Variants in PCBP3 observed in about 807,000 individuals in gnomAD.
PCBP3 encodes poly(rC) binding protein 3.
Under a neutral mutation model 52.7 loss-of-function variants are expected in PCBP3, and 25 were observed. The ratio of observed to expected loss-of-function variants is 0.47; its 90% confidence interval spans 0.35 to 0.66. PCBP3 has a LOEUF of 0.66. PCBP3 is among the 30% of genes least tolerant of loss of function. The probability of loss-of-function intolerance (pLI) is 0.01; values close to 1 mark genes in which losing one functional copy is unlikely to be tolerated. For synonymous variants in PCBP3, 162 were observed against 183.0 expected (o/e 0.89, Z 0.93); for missense variants, 391 against 490.3 (o/e 0.80, Z 1.91).
At position 45,849,975 on chromosome 21, in the gene PCBP3, C is replaced by A; in HGVS notation, c.-111C>A. The stretch of plus-strand genomic sequence containing the variant: ...TTGTGTTTTAGGTCGGTAGGCTCCA[C>A]GACAAAAGTCAACCCTTCTGTAAAT... On this transcript the variant is annotated 5_prime_UTR_variant, in exon 5 of 18. Transcript: ENST00000681687. 9.5e-7 allele frequency: 1 copy of A among 1,057,714 alleles called. No individual in the cohort carries two copies. The allele number at this position is 1,057,714 out of a possible 1,614,324, so 65.5% of individuals were successfully genotyped here.
At chr21:45,864,039 CTTT>C (rs2094611096) in intron 5 of PCBP3, among the ~76,000 whole-genome samples, 1 of 152,202 alleles carries the variant, frequency 6.6e-6, no homozygotes, top group Non-Finnish European at 1.5e-5. Context: ...CAATAATCTT[CTTT>C]ACTAGTCGAG....
intron 5 of PCBP3, among the ~76,000 whole-genome samples, chr21:45,870,018 G>A (rs1165235946): frequency 3.3e-5 from 5 of 152,040 alleles, no homozygotes; most frequent in Non-Finnish European, 7.4e-5. Flanking sequence ...TCTTATCTAA[G>A]TTATCTTTAT....
chr21:45,725,472 C>G (rs1455298813), intron 2 of PCBP3, among the ~76,000 whole-genome samples: 2 of 152,222 alleles, frequency 1.3e-5, no homozygotes, highest in African/African-American at 4.8e-5. Context: ...CCTTAACAAC[C>G]CATTCTCCTT....
chr21:45,867,579 C>A (rs2094796520), intron 5 of PCBP3, among the ~76,000 whole-genome samples: 1 of 152,268 alleles, frequency 6.6e-6, no homozygotes, highest in Non-Finnish European at 1.5e-5. Context: ...CCACCCGACC[C>A]TTGTGTTGTG....
chr21:45,754,182 A>G lies in PCBP3; in HGVS notation c.-161-1235A>G, dbSNP rs563161135. ...AAAAATATTGGCATGTGGCATAGAA[A>G]AAGCTCGGACTACAAGTTTAGGAGT... On this transcript the variant is annotated intron_variant, in intron 3 of 17. Transcript: ENST00000681687. 1.6e-3 allele frequency among the ~76,000 whole-genome samples: 240 copies of G among 152,318 alleles called. 1 individual carries two copies. Among genetic ancestry groups the G allele is most frequent in the Admixed American group, 3.3e-3 (50 of 15,298 alleles).
chr21:45,869,191 G>C (rs1265784989), intron 5 of PCBP3: 1 of 152,254 alleles, frequency 6.6e-6, no homozygotes, highest in Non-Finnish European at 1.5e-5. Flanking sequence ...GCTGATGGGA[G>C]GTTGTGGGAT....
At chr21:45,936,497 G>A (rs1242016926) in intron 16 of PCBP3, among the ~76,000 whole-genome samples, 3 of 152,356 alleles carry the variant, frequency 2.0e-5, no homozygotes, top group East Asian at 3.9e-4. Flanking sequence ...AACTTGAAAG[G>A]CAGCAGCACA....
chr21:45,708,448 G>A (rs1200411545), intron 2 of PCBP3, among the ~76,000 whole-genome samples: 1 of 152,202 alleles, frequency 6.6e-6, no homozygotes, highest in African/African-American at 2.4e-5. Context: ...AAGAAGCCAA[G>A]GAGGGCAACA....
chr21:45,701,665 A>T (rs554684331), intron 2 of PCBP3, among the ~76,000 whole-genome samples: 60 of 152,258 alleles, frequency 3.9e-4, no homozygotes, highest in African/African-American at 1.3e-3. Context: ...ATCTCAAGCA[A>T]TTCTCCTGCC....
At chr21:45,901,196 C>G in intron 9 of PCBP3, 83 bp downstream of exon 9, 1 of 964,878 alleles carries the variant, frequency 1.0e-6, no homozygotes, top group Non-Finnish European at 1.7e-6. Context: ...CTCCCCTACA[C>G]CTGGACTAGG....
intron 5 of PCBP3, among the ~76,000 whole-genome samples, chr21:45,866,198 A>G (rs1377276496): frequency 6.6e-6 from 1 of 152,144 alleles, no homozygotes; most frequent in Non-Finnish European, 1.5e-5. Context: ...TCCCCACCAG[A>G]CTATGTCAGA....
At chr21:45,713,701 C>T (rs1406852555) in intron 2 of PCBP3, among the ~76,000 whole-genome samples, 5 of 152,168 alleles carry the variant, frequency 3.3e-5, no homozygotes, top group Non-Finnish European at 5.9e-5. Context: ...TGCACGCACT[C>T]CTTAGAGCAC....
chr21:45,732,250 G>A (rs560036228), intron 2 of PCBP3, among the ~76,000 whole-genome samples: 62 of 152,094 alleles, frequency 4.1e-4, no homozygotes, highest in African/African-American at 1.2e-3. Context: ...TGTTCACCCT[G>A]TCTGTGCTTG....
chr21:45,654,338 ATTTT>A (rs398036499), intron 1 of PCBP3, among the ~76,000 whole-genome samples: 1 of 109,414 alleles, frequency 9.1e-6, no homozygotes, highest in African/African-American at 3.5e-5. Flanking sequence ...TAGACATTGC[ATTTT>A]TTTTTTTTTT....
chr21:45,935,106 C>T, intron 15 of PCBP3, 147 bp from the exon 16 acceptor site: 2 of 610,850 alleles, frequency 3.3e-6, no homozygotes, highest in Non-Finnish European at 3.0e-6. Context: ...CTCACAGGGT[C>T]CTGGCCCTCT....
intron 2 of PCBP3, chr21:45,732,576 A>G (rs969922109): frequency 6.9e-6 from 1 of 145,710 alleles, no homozygotes; most frequent in Non-Finnish European, 1.5e-5. Context: ...TTATTTATTT[A>G]TTTGTGGTTG....
In PCBP3 at chr21:45,799,976, G is replaced by C. The variant is rs572946721; in HGVS notation, c.-126+44524G>C. On this transcript the variant is annotated intron_variant, in intron 4 of 17. Coordinates refer to ENST00000681687, the MANE Select transcript of PCBP3 (RefSeq NM_001384156.1). ...CGGGCTCTCCAATGCCTGGTTGCTG[G>C]TGGCTTGGACAGCTGTCGGGGAGGG... 2.3e-4 allele frequency among the ~76,000 whole-genome samples: 35 copies of C among 152,330 alleles called. No homozygotes were observed. In the South Asian group the frequency reaches 7.3e-3, roughly 32 times the overall value.
At chr21:45,796,636 TGTTTA>T (rs948836749) in intron 4 of PCBP3, among the ~76,000 whole-genome samples, 3 of 152,238 alleles carry the variant, frequency 2.0e-5, no homozygotes, top group African/African-American at 7.2e-5. Context: ...TGACCTCAGT[TGTTTA>T]GTTTTTCTAA....
intron 1 of PCBP3, among the ~76,000 whole-genome samples, chr21:45,645,955 G>A (rs560311811): frequency 5.3e-5 from 8 of 152,180 alleles, no homozygotes; most frequent in African/African-American, 1.7e-4. Context: ...TAGATTTTGG[G>A]GCAGCTCTGA....
Sources: allele counts gnomAD v4.1 joint callset (sites outside exome capture counted in the v4.1 genomes callset), GRCh38; gene constraint gnomAD v4.1.1; transcripts MANE v1.5; gene names NCBI Gene and HGNC (gene_info 2026-07-23, HGNC 2026-07-21).